The following USP54 variants were observed in gnomAD, a reference collection of about 807,000 sequenced individuals.
USP54 encodes ubiquitin specific peptidase 54, also known as ubiquitin carboxyl-terminal hydrolase 54.
A neutral mutation model predicts 170.5 loss-of-function variants in USP54; 87 were observed. The ratio of observed to expected loss-of-function variants is 0.51; its 90% CI spans 0.43 to 0.61. The LOEUF is 0.61. USP54 is among the 20% of genes least tolerant of loss of function. The pLI is 0.00. For missense variants in USP54, 1,786 were observed against 2,047.8 expected, an observed-to-expected ratio of 0.87 and a Z score of 2.47; for synonymous variants, 655 against 742.8, an observed-to-expected ratio of 0.88 and a Z score of 1.92.
At chr10:73,519,045 G>A (rs898860008) in intron 19 of USP54, 1 of 148,600 alleles carries the variant, frequency 6.7e-6, no homozygotes, top group African/African-American at 2.5e-5. Context: ...TTGAACATTT[G>A]CCTTTTGAAC....
At chr10:73,543,267 T>A in intron 5 of USP54, 136 bp from the exon 6 acceptor site, 1 of 631,418 alleles carries the variant, frequency 1.6e-6, no homozygotes, top group Non-Finnish European at 2.7e-6. Context: ...ATTTTTAGTT[T>A]AAAAAAATTA....
intron 19 of USP54, chr10:73,518,357 C>T: frequency 2.1e-6 from 1 of 482,434 alleles, no homozygotes; most frequent in Non-Finnish European, 2.7e-6. Context: ...AGCAATATGA[C>T]TCTCTTGAGA....
At chr10:73,542,575 A>G (rs868161219) in intron 7 of USP54, among the ~76,000 whole-genome samples, 1 of 152,154 alleles carries the variant, frequency 6.6e-6, no homozygotes, top group African/African-American at 2.4e-5. Flanking sequence ...ACACAAAAAA[A>G]TTAGCGCAGT....
At chr10:73,622,409 C>T (rs1024102669) in intron 1 of USP54, among the ~76,000 whole-genome samples, 4 of 152,002 alleles carry the variant, frequency 2.6e-5, no homozygotes, top group African/African-American at 4.8e-5. Context: ...CTGTAACCTC[C>T]GCTTCCTGGG....
At chr10:73,525,962 G>T (rs1310299959) in intron 16 of USP54, among the ~76,000 whole-genome samples, 1 of 151,760 alleles carries the variant, frequency 6.6e-6, no homozygotes, top group Non-Finnish European at 1.5e-5. Context: ...ATAGCCACAT[G>T]TACCCCTTTG....
chr10:73,531,357 T>C (rs1270805747), intron 12 of USP54, among the ~76,000 whole-genome samples: 13 of 151,720 alleles, frequency 8.6e-5, no homozygotes, highest in Non-Finnish European at 1.9e-4. Context: ...TCCTGAGCAA[T>C]GACCAATCTC....
At chr10:73,603,614 G>A (rs2079374487) in intron 1 of USP54, among the ~76,000 whole-genome samples, 2 of 152,054 alleles carry the variant, frequency 1.3e-5, no homozygotes, top group Non-Finnish European at 2.9e-5. Flanking sequence ...CAGGCGTGGT[G>A]GCGCACACCT....
At chr10:73,573,302 A>G (rs1281929515) in intron 3 of USP54, among the ~76,000 whole-genome samples, 1 of 152,136 alleles carries the variant, frequency 6.6e-6, no homozygotes. Context: ...CAAAAAAAAG[A>G]GAAAGAAATA....
intron 1 of USP54, among the ~76,000 whole-genome samples, chr10:73,598,235 T>A (rs1465360905): frequency 6.6e-6 from 1 of 152,194 alleles, no homozygotes; most frequent in Non-Finnish European, 1.5e-5. Flanking sequence ...AAGGAGAAAC[T>A]ACTGTAGTCT....
chr10:73,589,247 CT>C (rs1421608466), intron 1 of USP54, among the ~76,000 whole-genome samples: 1 of 152,202 alleles, frequency 6.6e-6, no homozygotes, highest in Non-Finnish European at 1.5e-5. Context: ...AGCTCTTTAG[CT>C]TGTCCCTGAA....
At chr10:73,600,537 A>G (rs527910989) in intron 1 of USP54, among the ~76,000 whole-genome samples, 1 of 152,194 alleles carries the variant, frequency 6.6e-6, no homozygotes, top group Non-Finnish European at 1.5e-5. Flanking sequence ...GAATTATCTC[A>G]AGATAAAAAG....
intron 4 of USP54, among the ~76,000 whole-genome samples, chr10:73,549,088 C>T (rs2068616258): frequency 6.6e-6 from 1 of 152,248 alleles, no homozygotes; most frequent in South Asian, 2.1e-4. Flanking sequence ...TACTTCCTTC[C>T]CCTGGTTCCA....
Position 73,543,066 on chromosome 10 carries a change from G to A in USP54, c.441C>T (p.Ala147=). ...ADETKEDICT[A]QHCISHQKFA... is the part of the protein sequence containing the mutation. ...ATTTCTGATGGGAAATGCAGTGTTG[G>A]GCAGTACATATATCCTCTTTGGTTT... is the stretch of plus-strand genomic sequence containing the variant. Residue 147 remains alanine (A), a synonymous_variant, in exon 6 of 24, where the codon GCC becomes GCT. Coordinates refer to ENST00000687698, the MANE Select transcript of USP54 (RefSeq NM_001391956.1). 3 of 1,614,130 alleles carry A rather than the reference G, an allele frequency of 1.9e-6. No homozygotes were observed. The highest frequency in any genetic ancestry group is 4.5e-5 in the East Asian group (2 of 44,876).
At chr10:73,581,253 T>C (rs1245115341) in intron 1 of USP54, among the ~76,000 whole-genome samples, 1 of 152,242 alleles carries the variant, frequency 6.6e-6, no homozygotes, top group East Asian at 1.9e-4. Context: ...GGTAAACTTC[T>C]AGGAAAGTAA....
chr10:73,536,464 T>C, intron 10 of USP54, 27 bp from the exon 11 acceptor site: 1 of 1,515,398 alleles, frequency 6.6e-7, no homozygotes, highest in Non-Finnish European at 8.8e-7. Context: ...CAGAAGAACA[T>C]GACAATTATA....
rs2133360586 is a variant in USP54, at chr10:73,526,072, G to A, written c.2194+575C>T. On this transcript the variant is annotated intron_variant, in intron 16 of 23. Transcript: ENST00000687698. Reference sequence around the variant, plus strand: ...AGGATTTATTCTTCTGAAGAATGGGGATGTTAGTAACACTGTTCACCATAT... The same window carrying A: ...AGGATTTATTCTTCTGAAGAATGGGAATGTTAGTAACACTGTTCACCATAT... Among the ~76,000 whole-genome samples, 2 of 152,290 alleles carry A rather than the reference G, an allele frequency of 1.3e-5. 1 individual carries two copies. The highest frequency in any genetic ancestry group is 6.8e-3 in the Middle Eastern group (2 of 294).
In USP54 at chr10:73,575,810, A is replaced by G. The variant is rs1351907592; in HGVS notation, c.-30T>C. ...TTGACTTTACCACCTTCCAAATATC[A>G]TCTGTGTAGTCAAGGGACTCAGGTA... On this transcript the variant is annotated 5_prime_UTR_variant, in exon 2 of 24. The change abolishes an upstream ATG in the 5' untranslated region. Transcript: ENST00000687698. 2.2e-6 allele frequency: 2 copies of G among 929,524 alleles called. No individual in the cohort carries two copies. Among genetic ancestry groups the G allele is most frequent in the Non-Finnish European group, 3.1e-6 (2 of 644,916 alleles). 57.6% of individuals were successfully genotyped at this position (929,524 alleles called of 1,614,324 possible). A position where few individuals can be genotyped will look rare whatever the true frequency, so the allele number is the denominator to read the frequency against.
rs763375069 is a variant in USP54, at chr10:73,543,061, T to C, written c.446A>G (p.His149Arg). 6.8e-6 allele frequency: 11 copies of C among 1,614,200 alleles called. No homozygotes were observed. The East Asian group carries it at 2.2e-4, about 33-fold the overall frequency. Residue 149 changes from histidine (H) to arginine (R), a missense_variant, in exon 6 of 24, where the codon CAC becomes CGC. By Grantham distance (29) the His-to-Arg change is conservative. Around this residue, in one of 3 missense-constraint regions of USP54, gnomAD observed 361 missense variants for 455.0 expected, o/e 0.79. Coordinates refer to ENST00000687698, the MANE Select transcript of USP54 (RefSeq NM_001391956.1). ...TGCAAATTTCTGATGGGAAATGCAG[T>C]GTTGGGCAGTACATATATCCTCTTT... Reference protein sequence around the residue: ...ETKEDICTAQHCISHQKFAMT... With the variant: ...ETKEDICTAQRCISHQKFAMT...
At chr10:73,527,498 C>CA (rs931778033) in intron 15 of USP54, among the ~76,000 whole-genome samples, 9,089 of 51,154 alleles carry the variant, frequency 0.18, 646 homozygotes, top group East Asian at 0.43. Context: ...CACTCCATCT[C>CA]AAAAAAAAAA....
Sources: gnomAD v4.1 joint callset for allele counts (sites outside exome capture counted in the v4.1 genomes callset) on GRCh38, gnomAD v4.1.1 for gene constraint, gnomAD v4.1.1 regional missense constraint, MANE v1.5 for transcripts, NCBI Gene and HGNC (gene_info 2026-07-23, HGNC 2026-07-21) for gene names.